The following ATXN7 variants were observed in gnomAD, a reference collection of about 807,000 sequenced individuals.
ATXN7 encodes ataxin 7.
Under a neutral mutation model 70.5 loss-of-function variants are expected in ATXN7, and 12 were observed. The ratio of observed to expected loss-of-function variants is 0.17; its 90% CI spans 0.11 to 0.28. ATXN7 has a LOEUF of 0.28. Among genes scored for constraint, ATXN7 ranks in the 10% least tolerant of loss-of-function variants. ATXN7 has a pLI of 1.00. For synonymous variants in ATXN7, 498 were observed against 448.7 expected (o/e 1.11, Z -1.39); for missense variants, 1,256 against 1,131.7 (o/e 1.11, Z -1.58).
In ATXN7 at chr3:63,990,247, A is replaced by G. The variant is rs773745677; in HGVS notation, c.1433A>G (p.His478Arg). Reference sequence around the variant, plus strand: ...CCTCCTCCAGTCCATGAATCTCCACACCCTCCCCTGCCTGCCACTGAGCCA... The same window carrying G: ...CCTCCTCCAGTCCATGAATCTCCACGCCCTCCCCTGCCTGCCACTGAGCCA... ...IDPPPVHESP[H>R]PPLPATEPAS... Residue 478 changes from histidine (H) to arginine (R), a missense_variant, in exon 10 of 13, where the codon CAC becomes CGC. By Grantham distance (29) the His-to-Arg change is conservative. Transcript: ENST00000674280. 1 of 1,608,592 alleles carries G rather than the reference A, an allele frequency of 6.2e-7. No individual in the cohort carries two copies. Among genetic ancestry groups the G allele is most frequent in the East Asian group, 2.2e-5 (1 of 44,556 alleles).
At chr3:63,939,710 T>G (rs971142289) in intron 4 of ATXN7, among the ~76,000 whole-genome samples, 5 of 152,172 alleles carry the variant, frequency 3.3e-5, no homozygotes, top group African/African-American at 1.2e-4. Context: ...TGTTTTAACT[T>G]GCCCTATTTC....
At chr3:63,939,425 C>G (rs1011404641) in intron 4 of ATXN7, among the ~76,000 whole-genome samples, 6 of 152,150 alleles carry the variant, frequency 3.9e-5, no homozygotes, top group African/African-American at 1.4e-4. Flanking sequence ...CCAAGCACCT[C>G]CCTTCCCCAT....
intron 12 of ATXN7, among the ~76,000 whole-genome samples, chr3:63,997,027 C>G (rs2075771524): frequency 6.6e-6 from 1 of 152,144 alleles, no homozygotes; most frequent in Admixed American, 6.5e-5. Context: ...GAAGCTGAAG[C>G]AGGTAGATCA....
chr3:63,891,078 C>T (rs999507927), intron 1 of ATXN7, among the ~76,000 whole-genome samples: 1 of 152,052 alleles, frequency 6.6e-6, no homozygotes. Flanking sequence ...GGCACCATCT[C>T]GGCTCACTGC....
upstream of ATXN7, chr3:63,863,460 C>G (rs532204866): frequency 1.7e-5 from 20 of 1,151,288 alleles, no homozygotes; most frequent in South Asian, 8.3e-4. Context: ...CCGTCTCGGC[C>G]ACCCACGTGT....
chr3:63,918,893 C>T (rs1017552428), intron 4 of ATXN7, among the ~76,000 whole-genome samples: 4 of 152,152 alleles, frequency 2.6e-5, no homozygotes, highest in East Asian at 1.9e-4. Context: ...GGTTACAGAT[C>T]GCCCACACTT....
At chr3:63,952,255 A>G in intron 4 of ATXN7, 124 bp from the exon 5 acceptor site, 1 of 561,996 alleles carries the variant, frequency 1.8e-6, no homozygotes, top group Non-Finnish European at 3.1e-6. Context: ...GTGGTGTACC[A>G]CATCAGTTCA....
chr3:63,966,798 A>G (rs563059100), intron 5 of ATXN7, among the ~76,000 whole-genome samples: 4 of 152,298 alleles, frequency 2.6e-5, no homozygotes, highest in African/African-American at 7.2e-5. Flanking sequence ...ACTTTTGCCA[A>G]ATATTCTGTA....
intron 1 of ATXN7, among the ~76,000 whole-genome samples, chr3:63,889,196 A>G (rs184190950): frequency 2.0e-5 from 3 of 152,266 alleles, no homozygotes; most frequent in Non-Finnish European, 2.9e-5. Flanking sequence ...CTTGATGTTA[A>G]AGGGAAAATT....
chr3:63,892,471 ACACACACACACACACACACACACC>A (rs755254120), intron 1 of ATXN7, among the ~76,000 whole-genome samples: 92 of 135,446 alleles, frequency 6.8e-4, no homozygotes, highest in Non-Finnish European at 8.5e-4. Flanking sequence ...GCTCCTTCAC[ACACACACACACACACACACACACC>A]CACACACACA....
chr3:63,973,696 A>G (rs1426715813), intron 5 of ATXN7, among the ~76,000 whole-genome samples: 2 of 152,000 alleles, frequency 1.3e-5, no homozygotes, highest in Non-Finnish European at 2.9e-5. Flanking sequence ...GATACGTGGA[A>G]CATTGGAGGG....
chr3:63,912,495 C>T (rs1356226745), intron 2 of ATXN7, 93 bp from the exon 3 acceptor site: 7 of 855,366 alleles, frequency 8.2e-6, no homozygotes, highest in African/African-American at 3.7e-5. Context: ...CCCACCCGGT[C>T]CGCGGGCCGC....
intron 1 of ATXN7, among the ~76,000 whole-genome samples, chr3:63,886,636 T>G (rs1703095221): frequency 6.6e-6 from 1 of 152,186 alleles, no homozygotes; most frequent in Non-Finnish European, 1.5e-5. Flanking sequence ...ACAGGAACTC[T>G]CTGTATAATC....
At chr3:63,989,561 CTT>C (rs34821550) in intron 9 of ATXN7, among the ~76,000 whole-genome samples, 1 of 146,702 alleles carries the variant, frequency 6.8e-6, no homozygotes. Context: ...CATGTATAGG[CTT>C]TTTTTTTTTC....
chr3:63,982,229 G>A lies in ATXN7; in HGVS notation c.796G>A (p.Asp266Asn), dbSNP rs1390860312. The A allele has an allele frequency of 6.2e-7, 1 of 1,614,010 alleles. No homozygotes were observed. Among genetic ancestry groups the A allele is most frequent in the East Asian group, 2.2e-5 (1 of 44,874 alleles). The change falls in exon 7 of 13, where the codon GAT becomes AAT. Residue 266 changes from aspartate (D) to asparagine (N), a missense_variant. Coordinates refer to ENST00000674280, the MANE Select transcript of ATXN7 (RefSeq NM_001377405.1). Reference sequence around the variant, plus strand: ...AGTGGAAAAGATTCATCCGAAAATGGATGGCACACTACTGAAATCTGCGGT... The same window carrying A: ...AGTGGAAAAGATTCATCCGAAAATGAATGGCACACTACTGAAATCTGCGGT... ...VKVEKIHPKMDGTLLKSAVGP... is the reference protein window; with the variant it reads ...VKVEKIHPKMNGTLLKSAVGP...
chr3:63,887,515 T>C (rs981311058), intron 1 of ATXN7, among the ~76,000 whole-genome samples: 25 of 152,192 alleles, frequency 1.6e-4, no homozygotes, highest in African/African-American at 6.0e-4. Context: ...CATAGAAACC[T>C]CAAAATATTT....
At chr3:63,914,208 C>A (rs768212479) in intron 4 of ATXN7, among the ~76,000 whole-genome samples, 1 of 152,334 alleles carries the variant, frequency 6.6e-6, no homozygotes, top group Non-Finnish European at 1.5e-5. Context: ...GCAACTGGAA[C>A]ATTTTTAAGT....
chr3:63,982,136 G>A, intron 6 of ATXN7, 50 bp from the exon 7 acceptor site: 1 of 1,610,944 alleles, frequency 6.2e-7, no homozygotes, highest in African/African-American at 1.3e-5. Context: ...ATTCACCTGG[G>A]GGCTGCTGAG....
intron 4 of ATXN7, among the ~76,000 whole-genome samples, chr3:63,916,048 A>G (rs1032670215): frequency 5.3e-5 from 8 of 152,290 alleles, no homozygotes; most frequent in African/African-American, 1.9e-4. Flanking sequence ...TCCAATGTGC[A>G]ATTTTGGACC....
Sources: gnomAD v4.1 joint callset for allele counts (sites outside exome capture counted in the v4.1 genomes callset) on GRCh38, gnomAD v4.1.1 for gene constraint, MANE v1.5 for transcripts, NCBI Gene and HGNC (gene_info 2026-07-23, HGNC 2026-07-21) for gene names.